Variants in LEKR1 observed in about 807,000 individuals in gnomAD.
The protein encoded by LEKR1 is leucine, glutamate and lysine rich 1.
Under a neutral mutation model 72.4 loss-of-function variants are expected in LEKR1, and 59 were observed. That is an observed-to-expected ratio of 0.82 (90% CI 0.66 to 1.01). The LOEUF is 1.01. Ranked by LOEUF, LEKR1 falls within the 50% of genes least tolerant of loss-of-function variation. The probability of loss-of-function intolerance (pLI) is 0.00; values close to 1 mark genes in which losing one functional copy is unlikely to be tolerated. For missense variants in LEKR1, 728 were observed against 759.2 expected (o/e 0.96, Z 0.48); for synonymous variants, 257 against 263.2 (o/e 0.98, Z 0.23).
At chr3:156,938,835 G>T (rs1453970163) in intron 5 of LEKR1, among the ~76,000 whole-genome samples, 1 of 152,074 alleles carries the variant, frequency 6.6e-6, no homozygotes, top group Non-Finnish European at 1.5e-5. Context: ...GGTTATAGAG[G>T]TTTCCTAATG....
chr3:156,957,184 A>C (rs1014145210), intron 6 of LEKR1, among the ~76,000 whole-genome samples: 10 of 152,096 alleles, frequency 6.6e-5, no homozygotes, highest in Non-Finnish European at 1.2e-4. Flanking sequence ...GGAGTAATAC[A>C]TTATCCCATG....
intron 6 of LEKR1, among the ~76,000 whole-genome samples, chr3:156,955,771 T>C (rs575782289): frequency 9.2e-5 from 14 of 152,140 alleles, no homozygotes; most frequent in Middle Eastern, 3.4e-3. Context: ...GATTTTTGCA[T>C]TGATGTTCAT....
intron 3 of LEKR1, among the ~76,000 whole-genome samples, chr3:156,879,329 T>C (rs1719002201): frequency 6.6e-6 from 1 of 152,186 alleles, no homozygotes; most frequent in African/African-American, 2.4e-5. Flanking sequence ...GCAAAGAGAC[T>C]GGTGGTATTT....
At chr3:157,016,747 A>C (rs1266899415) in intron 10 of LEKR1, among the ~76,000 whole-genome samples, 1 of 152,170 alleles carries the variant, frequency 6.6e-6, no homozygotes, top group Non-Finnish European at 1.5e-5. Flanking sequence ...CATAGAAGCA[A>C]AATATATGAC....
intron 7 of LEKR1, among the ~76,000 whole-genome samples, chr3:156,989,290 GT>G (rs1265250288): frequency 6.6e-6 from 1 of 152,144 alleles, no homozygotes; most frequent in Non-Finnish European, 1.5e-5. Flanking sequence ...AGAATGTCAA[GT>G]TTTTTATTTG....
chr3:156,913,370 T>A (rs938928851), intron 3 of LEKR1, among the ~76,000 whole-genome samples: 3 of 152,202 alleles, frequency 2.0e-5, no homozygotes, highest in Non-Finnish European at 4.4e-5. Flanking sequence ...TATTCCTAGG[T>A]ATTTCCTTTT....
chr3:157,035,817 T>G (rs1401499564), intron 12 of LEKR1, among the ~76,000 whole-genome samples: 1 of 152,204 alleles, frequency 6.6e-6, no homozygotes, highest in Admixed American at 6.5e-5. Context: ...AAGAATCATT[T>G]GAACCCAGAA....
chr3:157,020,422 T>A (rs1577006539), intron 10 of LEKR1, among the ~76,000 whole-genome samples: 1 of 72,438 alleles, frequency 1.4e-5, no homozygotes, highest in Non-Finnish European at 2.5e-5. Flanking sequence ...ATGCTATCCC[T>A]CCCCCCTCCC....
At chr3:157,031,938 T>C (rs1734641279) in intron 12 of LEKR1, among the ~76,000 whole-genome samples, 1 of 151,652 alleles carries the variant, frequency 6.6e-6, no homozygotes, top group Non-Finnish European at 1.5e-5. Flanking sequence ...ACAGCAAGGG[T>C]CGCAAAGCAG....
At chr3:156,832,439 T>C (rs1712543028) in intron 2 of LEKR1, among the ~76,000 whole-genome samples, 1 of 152,214 alleles carries the variant, frequency 6.6e-6, no homozygotes, top group Admixed American at 6.5e-5. Context: ...ACACAAATCA[T>C]AGTAGGACCA....
intron 10 of LEKR1, among the ~76,000 whole-genome samples, chr3:157,015,526 TA>T (rs1389699813): frequency 6.6e-6 from 1 of 152,198 alleles, no homozygotes; most frequent in African/African-American, 2.4e-5. Flanking sequence ...TGATTCTGCA[TA>T]ATACATTTTA....
At position 156,992,708 on chromosome 3, in the gene LEKR1, G is replaced by T. The variant is rs1239184847; in HGVS notation, c.883G>T (p.Glu295Ter). ...AAGAGAACTTAAAAAACTGAAGTTTGAATCCATTATTTCTGAGTCACAGTA... is the reference window on the plus strand; with the variant it reads ...AAGAGAACTTAAAAAACTGAAGTTTTAATCCATTATTTCTGAGTCACAGTA... ...CQRELKKLKF[E>*]SIISESQHTM... Residue 295 changes from glutamate to a stop codon, truncating the protein, a stop_gained, in exon 8 of 13, where the codon GAA becomes TAA. Coordinates refer to ENST00000356539, the MANE Select transcript of LEKR1 (RefSeq NM_001004316.3). LOFTEE classifies it high-confidence loss of function. 9.6e-7 allele frequency: 1 copy of T among 1,041,782 alleles called. No individual in the cohort carries two copies. Among genetic ancestry groups the T allele is most frequent in the South Asian group, 2.1e-5 (1 of 48,684 alleles). 64.5% of individuals were successfully genotyped at this position (1,041,782 alleles called of 1,614,324 possible). A position where few individuals can be genotyped will look rare whatever the true frequency, so the allele number is the denominator to read the frequency against.
intron 6 of LEKR1, among the ~76,000 whole-genome samples, chr3:156,950,339 T>G (rs1727042653): frequency 6.6e-6 from 1 of 151,692 alleles, no homozygotes; most frequent in African/African-American, 2.4e-5. Flanking sequence ...TGATTCCATA[T>G]GAATTTTTAA....
At chr3:156,910,179 G>T (rs1722970546) in intron 3 of LEKR1, among the ~76,000 whole-genome samples, 1 of 152,078 alleles carries the variant, frequency 6.6e-6, no homozygotes, top group Non-Finnish European at 1.5e-5. Flanking sequence ...TACGTGTGCA[G>T]GCTTGTTACA....
chr3:156,854,922 CA>C (rs757650583), intron 3 of LEKR1, among the ~76,000 whole-genome samples: 38 of 152,200 alleles, frequency 2.5e-4, no homozygotes, highest in Non-Finnish European at 4.6e-4. Context: ...AGCAGTATAT[CA>C]AACATATTGT....
chr3:156,939,066 A>G (rs1350822777), intron 5 of LEKR1, among the ~76,000 whole-genome samples: 1 of 152,234 alleles, frequency 6.6e-6, no homozygotes, highest in Non-Finnish European at 1.5e-5. Context: ...TAAATAACAA[A>G]TATTCTAAAA....
In LEKR1 at chr3:156,852,511, A is replaced by G. The variant is rs2108537810; in HGVS notation, c.49-257A>G. 2.6e-5 allele frequency among the ~76,000 whole-genome samples: 4 copies of G among 152,274 alleles called. No homozygotes were observed. The South Asian group carries it at 8.3e-4, about 32-fold the overall frequency. On this transcript the variant is annotated intron_variant, in intron 2 of 12. Transcript: ENST00000356539. ...GGTTTTATTTTATGGAAAATATTTC[A>G]AGAGTAAATTTTTCTTAGAGATACC...
intron 3 of LEKR1, among the ~76,000 whole-genome samples, chr3:156,919,186 G>C (rs1723949654): frequency 6.6e-6 from 1 of 152,190 alleles, no homozygotes; most frequent in Non-Finnish European, 1.5e-5. Flanking sequence ...GCTCTCCAGA[G>C]ATGTCCCCAG....
At chr3:156,956,814 G>C (rs996135374) in intron 6 of LEKR1, among the ~76,000 whole-genome samples, 1 of 151,922 alleles carries the variant, frequency 6.6e-6, no homozygotes, top group Non-Finnish European at 1.5e-5. Flanking sequence ...CCATGTAAAG[G>C]ATTTATTCAA....
Sources: allele counts gnomAD v4.1 joint callset (sites outside exome capture counted in the v4.1 genomes callset), GRCh38; gene constraint gnomAD v4.1.1; transcripts MANE v1.5; gene names NCBI Gene and HGNC (gene_info 2026-07-23, HGNC 2026-07-21).